MTR: variants seen among roughly 807,000 people sequenced by gnomAD.
MTR encodes 5-methyltetrahydrofolate-homocysteine methyltransferase.
MTR carries 84 observed loss-of-function variants against 154.8 expected under a neutral mutation model. That is an observed-to-expected ratio of 0.54 (90% CI 0.45 to 0.65). The LOEUF (loss-of-function observed/expected upper bound fraction) is 0.65, where lower values mean the gene tolerates loss of function less well. Among genes scored for constraint, MTR ranks in the 30% least tolerant of loss-of-function variants. The pLI, the probability that MTR is intolerant of heterozygous loss-of-function variation, is 0.00. For missense variants in MTR, 1,275 were observed against 1,570.2 expected, an observed-to-expected ratio of 0.81 and a Z score of 3.18; for synonymous variants, 554 against 553.9, an observed-to-expected ratio of 1.00 and a Z score of 0.00.
intron 1 of MTR, 91 bp from the exon 2 acceptor site, chr1:236,803,337 T>C (rs568876526): frequency 1.6e-6 from 2 of 1,219,274 alleles, no homozygotes; most frequent in East Asian, 4.9e-5. Flanking sequence ...TACTCCTTAT[T>C]GGAGATTATT....
At chr1:236,851,444 T>A (rs540430093) in intron 16 of MTR, among the ~76,000 whole-genome samples, 1 of 152,362 alleles carries the variant, frequency 6.6e-6, no homozygotes, top group Admixed American at 6.5e-5. Flanking sequence ...ATAAGCTTTG[T>A]TCAGACATGA....
intron 16 of MTR, among the ~76,000 whole-genome samples, chr1:236,852,196 A>G (rs1020979471): frequency 2.0e-5 from 3 of 152,124 alleles, no homozygotes; most frequent in Admixed American, 2.0e-4. Flanking sequence ...CATTTAGGCT[A>G]TGGAAGCCTT....
Position 236,812,858 on chromosome 1 carries a change from G to GA in MTR, c.609+20dup, listed in dbSNP as rs780267149. Reference sequence around the variant, plus strand: ...GCCAATGCCAAGGTGAGTTAAGGGAGAAAAAACAGACAAGGCTGGGGTAAG... The same window carrying GA: ...GCCAATGCCAAGGTGAGTTAAGGGAGAAAAAAACAGACAAGGCTGGGGTAAG... On this transcript the variant is annotated intron_variant, in intron 6 of 32. Transcript: ENST00000366577. 1.9e-5 allele frequency: 30 copies of GA among 1,605,712 alleles called. No individual in the cohort carries two copies. In the African/African-American group the frequency reaches 3.9e-4, roughly 21 times the overall value.
At chr1:236,825,160 G>GTTTTTT (rs1338214598) in intron 9 of MTR, among the ~76,000 whole-genome samples, 178 bp from the exon 10 acceptor site, 39 of 62,170 alleles carry the variant, frequency 6.3e-4, no homozygotes, top group African/African-American at 1.3e-3. Flanking sequence ...TTTTTTTTTA[G>GTTTTTT]TTTTTTGGGG....
At chr1:236,892,593 C>G (rs1460908140) in intron 29 of MTR, among the ~76,000 whole-genome samples, 4 of 152,154 alleles carry the variant, frequency 2.6e-5, no homozygotes, top group African/African-American at 9.7e-5. Context: ...AAATTTGGGG[C>G]CTTCAGCAGT....
At chr1:236,814,125 G>A (rs560117708) in intron 6 of MTR, among the ~76,000 whole-genome samples, 8 of 152,216 alleles carry the variant, frequency 5.3e-5, no homozygotes, top group African/African-American at 1.7e-4. Context: ...CAGGAAGAAC[G>A]TAGAGAGCCA....
rs1333747211 is a variant in MTR at position 236,896,989 on chromosome 1, T to C, written c.3599-17T>C. ...ACACTGAGTCCATAAGCATTTTCCC[T>C]GTGTTGCTCCCTCTAGGCATTAGGT... On this transcript the variant is annotated splice_polypyrimidine_tract_variant and intron_variant, in intron 31 of 32. Coordinates refer to ENST00000366577, the MANE Select transcript of MTR (RefSeq NM_000254.3). 1 of 1,584,802 alleles carries C rather than the reference T, an allele frequency of 6.3e-7. No homozygotes were observed. The highest frequency in any genetic ancestry group is 1.1e-5 in the South Asian group (1 of 90,488).
intron 18 of MTR, 59 bp downstream of exon 18, chr1:236,853,147 C>T: frequency 6.5e-7 from 1 of 1,537,282 alleles, no homozygotes; most frequent in Non-Finnish European, 9.0e-7. Flanking sequence ...TATTACTCAC[C>T]TACAGTTAGT....
At chr1:236,838,997 TAAACGTATCG>T (rs1663072589) in intron 15 of MTR, among the ~76,000 whole-genome samples, 2 of 152,356 alleles carry the variant, frequency 1.3e-5, no homozygotes, top group South Asian at 4.1e-4. Flanking sequence ...TTTGTGTATC[TAAACGTATCG>T]AAACAGAAAA....
Position 236,820,668 on chromosome 1 carries a change from A to G in MTR, c.765-3451A>G, listed in dbSNP as rs1183455646. ...TAAGTTTTAATTCATTTGGGTAAAT[A>G]GCAAGGAGGGGATTGCTGTATCTTA... On this transcript the variant is annotated intron_variant, in intron 8 of 32. Coordinates refer to ENST00000366577, the MANE Select transcript of MTR (RefSeq NM_000254.3). The G allele has an allele frequency of 9.9e-6, 5 of 506,950 alleles. 1 individual carries two copies. The highest frequency in any genetic ancestry group is 1.8e-5 in the Non-Finnish European group (5 of 283,016). 31.4% of individuals were successfully genotyped at this position (506,950 alleles called of 1,614,324 possible).
At chr1:236,796,040 C>G (rs571437383) in intron 1 of MTR, among the ~76,000 whole-genome samples, 58 of 152,194 alleles carry the variant, frequency 3.8e-4, no homozygotes, top group South Asian at 2.3e-3. Flanking sequence ...TTCCACGCAG[C>G]ATAAACCAGC....
At chr1:236,874,502 C>T (rs1419505981) in intron 23 of MTR, among the ~76,000 whole-genome samples, 2 of 149,216 alleles carry the variant, frequency 1.3e-5, no homozygotes, top group Non-Finnish European at 3.0e-5. Flanking sequence ...ACCCAGGAGG[C>T]AAAGGTTGCA....
At chr1:236,881,127 C>T (rs1438979768) in intron 25 of MTR, among the ~76,000 whole-genome samples, 1 of 152,168 alleles carries the variant, frequency 6.6e-6, no homozygotes, top group African/African-American at 2.4e-5. Flanking sequence ...TTCACCCACT[C>T]ACAAACATGA....
Position 236,902,846 on chromosome 1 carries a change from A to G in MTR, c.*5202A>G, listed in dbSNP as rs1666980081. The G allele has an allele frequency of 6.6e-6, 1 of 152,176 alleles. No homozygotes were observed. Among genetic ancestry groups the G allele is most frequent in the African/African-American group, 2.4e-5 (1 of 41,418 alleles). 9.4% of individuals were successfully genotyped at this position (152,176 alleles called of 1,614,324 possible). On this transcript the variant is annotated 3_prime_UTR_variant, in exon 33 of 33. Coordinates refer to ENST00000366577, the MANE Select transcript of MTR (RefSeq NM_000254.3). The stretch of plus-strand genomic sequence containing the variant: ...ATATTGGCAGCCCTGCAAAAACAAA[A>G]CAAAACAAAACCCTCAGTTCATGGC...
chr1:236,798,106 A>G (rs893675148), intron 1 of MTR, among the ~76,000 whole-genome samples: 2 of 152,218 alleles, frequency 1.3e-5, no homozygotes, highest in South Asian at 2.1e-4. Context: ...TTAATAAAGC[A>G]AAGAAAGAAC....
intron 15 of MTR, among the ~76,000 whole-genome samples, chr1:236,841,283 A>C (rs573186190): frequency 1.3e-5 from 2 of 152,244 alleles, no homozygotes; most frequent in Non-Finnish European, 2.9e-5. Flanking sequence ...TTCAGTGCTT[A>C]CATTATTAAA....
chr1:236,836,230 T>C (rs2103152528), intron 14 of MTR, among the ~76,000 whole-genome samples: 1 of 152,328 alleles, frequency 6.6e-6, no homozygotes, highest in East Asian at 1.9e-4. Flanking sequence ...TTACCTTGTT[T>C]TTCTGCCGTT....
In MTR at chr1:236,826,908, C is replaced by T; in HGVS notation, c.995+12C>T. On this transcript the variant is annotated intron_variant, in intron 11 of 32. Coordinates refer to ENST00000366577, the MANE Select transcript of MTR (RefSeq NM_000254.3). Reference sequence around the variant, plus strand: ...CCAGATCATATCAGGTAATAATCACCTATAGACAATATATCTAAAACCAAG... The same window carrying T: ...CCAGATCATATCAGGTAATAATCACTTATAGACAATATATCTAAAACCAAG... 1 of 1,609,180 alleles carries T rather than the reference C, an allele frequency of 6.2e-7. No homozygotes were observed. Among genetic ancestry groups the T allele is most frequent in the Non-Finnish European group, 8.5e-7 (1 of 1,175,642 alleles).
intron 25 of MTR, among the ~76,000 whole-genome samples, chr1:236,882,624 C>A (rs1445883314): frequency 2.0e-5 from 3 of 152,112 alleles, no homozygotes; most frequent in African/African-American, 7.2e-5. Flanking sequence ...AACTCCTGAC[C>A]TCAAGTGATC....
Sources: allele counts gnomAD v4.1 joint callset (sites outside exome capture counted in the v4.1 genomes callset), GRCh38; gene constraint gnomAD v4.1.1; transcripts MANE v1.5; gene names NCBI Gene and HGNC (gene_info 2026-07-23, HGNC 2026-07-21).